The following AGBL1 variants were observed in gnomAD, a reference collection of about 807,000 sequenced individuals.
AGBL1 encodes the protein AGBL carboxypeptidase 1, also known as cytosolic carboxypeptidase 4.
Under a neutral mutation model 118.9 loss-of-function variants are expected in AGBL1, and 130 were observed. The ratio of observed to expected loss-of-function variants is 1.09; its 90% CI spans 0.95 to 1.26. The LOEUF is 1.26. Among genes scored for constraint, AGBL1 ranks in the 50% most tolerant of loss-of-function variants. The probability of loss-of-function intolerance (pLI) is 0.00; values close to 1 mark genes in which losing one functional copy is unlikely to be tolerated. For missense variants in AGBL1, 1,584 were observed against 1,298.1 expected (o/e 1.22, Z -3.38); for synonymous variants, 555 against 478.9 (o/e 1.16, Z -2.08).
At chr15:86,345,797 A>G (rs1294028493) in intron 17 of AGBL1, among the ~76,000 whole-genome samples, 1 of 152,244 alleles carries the variant, frequency 6.6e-6, no homozygotes, top group Admixed American at 6.5e-5. Context: ...GAATGCATGA[A>G]TACATAAAAT....
At chr15:86,402,487 T>C (rs975308249) in intron 18 of AGBL1, among the ~76,000 whole-genome samples, 13 of 152,146 alleles carry the variant, frequency 8.5e-5, no homozygotes, top group Admixed American at 5.9e-4. Flanking sequence ...AAGTACTATG[T>C]TGAATAGAAG....
chr15:86,943,034 G>C (rs1042274223), intron 23 of AGBL1, among the ~76,000 whole-genome samples: 5 of 152,118 alleles, frequency 3.3e-5, no homozygotes, highest in African/African-American at 1.2e-4. Context: ...ACATAAATTA[G>C]GTTTTTGTAA....
chr15:86,483,612 C>T (rs1329848872), intron 18 of AGBL1, among the ~76,000 whole-genome samples: 1 of 152,062 alleles, frequency 6.6e-6, no homozygotes, highest in Non-Finnish European at 1.5e-5. Flanking sequence ...CAGTTTCAGG[C>T]TTGCTCCAAG....
At position 86,709,070 on chromosome 15, in the gene AGBL1, C is replaced by G. The variant is rs900464320; in HGVS notation, c.3158+34634C>G. 7.5e-4 allele frequency among the ~76,000 whole-genome samples: 114 copies of G among 152,234 alleles called. 1 individual carries two copies. Among genetic ancestry groups the G allele is most frequent in the Middle Eastern group, 3.4e-3 (1 of 294 alleles). ...AAATGCCAAATTCCAATTCACTTCA[C>G]TACGTCAAGATTATACTACATTAAT... On this transcript the variant is annotated intron_variant, in intron 22 of 22. Transcript: ENST00000614907.
chr15:86,714,606 T>C (rs1405092963), intron 22 of AGBL1, among the ~76,000 whole-genome samples: 3 of 152,208 alleles, frequency 2.0e-5, no homozygotes, highest in African/African-American at 4.8e-5. Flanking sequence ...TTACAGACCC[T>C]GAATGCCAGC....
intron 19 of AGBL1, 126 bp downstream of exon 19, chr15:86,523,065 A>AGGAT: frequency 8.6e-7 from 1 of 1,167,472 alleles, no homozygotes; most frequent in Non-Finnish European, 1.3e-6. Context: ...GATAGAATGG[A>AGGAT]GGATGCATGG....
At chr15:86,959,243 AAG>A (rs931244588) in intron 23 of AGBL1, among the ~76,000 whole-genome samples, 2 of 152,146 alleles carry the variant, frequency 1.3e-5, no homozygotes, top group African/African-American at 2.4e-5. Flanking sequence ...GTTCATAAAA[AAG>A]GTATTCTTGT....
chr15:86,120,424 C>A (rs1898026066), intron 1 of AGBL1, among the ~76,000 whole-genome samples: 1 of 152,094 alleles, frequency 6.6e-6, no homozygotes, highest in Admixed American at 6.6e-5. Flanking sequence ...AGATGGTGTC[C>A]CCTCCTGGAG....
chr15:86,850,450 C>G (rs1051702221), intron 22 of AGBL1, among the ~76,000 whole-genome samples: 1 of 152,170 alleles, frequency 6.6e-6, no homozygotes, highest in South Asian at 2.1e-4. Flanking sequence ...ATAAACAGAT[C>G]TTTGCCAAAG....
intron 21 of AGBL1, among the ~76,000 whole-genome samples, chr15:86,564,032 G>A (rs938141577): frequency 1.5e-4 from 23 of 152,182 alleles, no homozygotes; most frequent in South Asian, 4.1e-4. Context: ...GTTTCTGAAC[G>A]TGAGATGGGT....
At chr15:86,427,035 A>G (rs1477020788) in intron 18 of AGBL1, among the ~76,000 whole-genome samples, 1 of 152,082 alleles carries the variant, frequency 6.6e-6, no homozygotes, top group Admixed American at 6.5e-5. Context: ...GAAAGTGCTG[A>G]GATTACAGGC....
chr15:86,847,234 G>A (rs139564427), intron 22 of AGBL1, among the ~76,000 whole-genome samples: 1 of 152,224 alleles, frequency 6.6e-6, no homozygotes, highest in East Asian at 1.9e-4. Context: ...TTTTTCTGCT[G>A]AGTTCAATCT....
At chr15:86,297,271 A>G (rs1244380533) in intron 17 of AGBL1, among the ~76,000 whole-genome samples, 1 of 152,094 alleles carries the variant, frequency 6.6e-6, no homozygotes, top group Non-Finnish European at 1.5e-5. Context: ...GATAAATGCT[A>G]TGCATTTTCT....
chr15:86,166,720 G>C (rs555172354), intron 5 of AGBL1, among the ~76,000 whole-genome samples: 2 of 152,170 alleles, frequency 1.3e-5, no homozygotes, highest in African/African-American at 4.8e-5. Context: ...TCCCATTGCT[G>C]GTTCTGTATT....
intron 17 of AGBL1, among the ~76,000 whole-genome samples, chr15:86,341,073 C>T (rs898963714): frequency 6.6e-6 from 1 of 152,194 alleles, no homozygotes; most frequent in Non-Finnish European, 1.5e-5. Context: ...AGGCTTCTCA[C>T]ATGCAAAGTC....
chr15:86,118,481 A>C (rs888476855), intron 1 of AGBL1, among the ~76,000 whole-genome samples: 5 of 152,158 alleles, frequency 3.3e-5, no homozygotes, highest in Admixed American at 2.0e-4. Context: ...TTCAAAAAAA[A>C]AAAAGGCAAT....
rs35823170 is a variant in AGBL1, at chr15:86,985,624, A to ATT, written c.3222-2354_3222-2353dup. On this transcript the variant is annotated intron_variant, in intron 23 of 24. Transcript: ENST00000441037. ...GGATTTGTAAAAATTTTTTGTTCCA[A>ATT]TTTTTTTTTTATCAGATTTGTGTTG... Among the ~76,000 whole-genome samples the ATT allele has an allele frequency of 3.7e-3, 552 of 150,426 alleles. 3 individuals carry two copies. The highest frequency in any genetic ancestry group is 0.014 in the East Asian group (70 of 5,080).
intron 6 of AGBL1, among the ~76,000 whole-genome samples, chr15:86,232,840 T>C (rs1233651828): frequency 1.3e-5 from 2 of 152,124 alleles, no homozygotes; most frequent in Non-Finnish European, 2.9e-5. Flanking sequence ...CCTCATGCCG[T>C]GTCATAGTAT....
At chr15:86,719,686 A>G (rs761174172) in intron 22 of AGBL1, among the ~76,000 whole-genome samples, 13 of 152,138 alleles carry the variant, frequency 8.5e-5, no homozygotes, top group Non-Finnish European at 1.5e-4. Flanking sequence ...TTAAGATGGT[A>G]AAGGGTGATG....
Sources: allele counts gnomAD v4.1 joint callset (sites outside exome capture counted in the v4.1 genomes callset), GRCh38; gene constraint gnomAD v4.1.1; transcripts MANE v1.5; gene names NCBI Gene and HGNC (gene_info 2026-07-23, HGNC 2026-07-21).